KANK4: variants seen among roughly 807,000 people sequenced by gnomAD.
KANK4 encodes KN motif and ankyrin repeat domains 4, also known as KN motif and ankyrin repeat domain-containing protein 4.
In KANK4, 50 loss-of-function variants were observed where a neutral mutation model predicts 80.8. The ratio of observed to expected loss-of-function variants is 0.62; its 90% confidence interval spans 0.49 to 0.78. The LOEUF is 0.78. Ranked by LOEUF, KANK4 falls within the 30% of genes least tolerant of loss-of-function variation. The pLI is 0.00. For synonymous variants in KANK4, 465 were observed against 506.9 expected, an observed-to-expected ratio of 0.92 and a Z score of 1.11; for missense variants, 1,196 against 1,240.1, an observed-to-expected ratio of 0.96 and a Z score of 0.53.
intron 1 of KANK4, among the ~76,000 whole-genome samples, chr1:62,298,459 G>A (rs192788852): frequency 1.6e-4 from 25 of 152,280 alleles, no homozygotes; most frequent in African/African-American, 5.8e-4. Context: ...CCTCATAGTT[G>A]GCATTTCCAA....
chr1:62,298,003 G>A (rs989379146), intron 1 of KANK4: 3 of 152,170 alleles, frequency 2.0e-5, no homozygotes, highest in African/African-American at 7.2e-5. Context: ...CTCTAGGCAG[G>A]GCAGGAGGAG....
At chr1:62,319,046 G>A (rs979542732) in intron 1 of KANK4, 60 bp downstream of exon 1, 2 of 152,326 alleles carry the variant, frequency 1.3e-5, no homozygotes, top group Non-Finnish European at 2.9e-5. Context: ...GTCGCGCAGG[G>A]CGGGTGTTGA....
intron 1 of KANK4, among the ~76,000 whole-genome samples, chr1:62,286,870 G>A (rs3844054): frequency 0.36 from 54,648 of 151,990 alleles, 10,830 homozygotes; most frequent in East Asian, 0.64. Flanking sequence ...GGCTGGACTG[G>A]CAGCTCCTTA....
At chr1:62,309,815 A>G (rs983769219) in intron 1 of KANK4, among the ~76,000 whole-genome samples, 1 of 152,172 alleles carries the variant, frequency 6.6e-6, no homozygotes, top group South Asian at 2.1e-4. Context: ...ACATTTTAAC[A>G]AGAGCTGCCT....
chr1:62,258,576 G>C (rs1671803898), intron 7 of KANK4, among the ~76,000 whole-genome samples: 1 of 152,156 alleles, frequency 6.6e-6, no homozygotes, highest in African/African-American at 2.4e-5. Context: ...TTGAAGACTT[G>C]GAAGTTTACT....
rs190552058 is a variant in KANK4 at position 62,287,084 on chromosome 1, G to C, written c.-70-5450C>G. 1.9e-3 allele frequency among the ~76,000 whole-genome samples: 290 copies of C among 152,210 alleles called. 1 individual carries two copies. Among genetic ancestry groups the C allele is most frequent in the African/African-American group, 6.9e-3 (285 of 41,522 alleles). ...GCCAGGGAGCAGGCAGCTGCCAGAG[G>C]AGCAAGGTTTCAGAGTGTCCCGGGC... is the stretch of plus-strand genomic sequence containing the variant. On this transcript the variant is annotated intron_variant, in intron 1 of 9. Coordinates refer to ENST00000371153, the MANE Select transcript of KANK4 (RefSeq NM_181712.5).
At chr1:62,259,638 T>C (rs1018590532) in intron 7 of KANK4, among the ~76,000 whole-genome samples, 4 of 151,990 alleles carry the variant, frequency 2.6e-5, no homozygotes, top group African/African-American at 9.7e-5. Flanking sequence ...GCAAGTTTGC[T>C]GACTTTTCTG....
At position 62,274,669 on chromosome 1, in the gene KANK4, T is replaced by C; in HGVS notation, c.435A>G (p.Pro145=). 1 of 1,614,216 alleles carries C rather than the reference T, an allele frequency of 6.2e-7. No homozygotes were observed. Among genetic ancestry groups the C allele is most frequent in the Non-Finnish European group, 8.5e-7 (1 of 1,180,038 alleles). Reference sequence around the variant, plus strand: ...TCCCAAAAGTGAGCTCGGCATCCTCTGGCTCAGCAGCTTCCAACTGTCTGG... The same window carrying C: ...TCCCAAAAGTGAGCTCGGCATCCTCCGGCTCAGCAGCTTCCAACTGTCTGG... ...EATRQLEAAE[P]EDAELTFGSG... is the part of the protein sequence containing the mutation. Residue 145 remains proline, a synonymous_variant, in exon 3 of 10, where the codon CCA becomes CCG. Transcript: ENST00000371153.
intron 1 of KANK4, among the ~76,000 whole-genome samples, chr1:62,290,274 G>A (rs1204048508): frequency 2.6e-5 from 4 of 152,094 alleles, no homozygotes; most frequent in Admixed American, 2.6e-4. Context: ...CTCCCTAGAG[G>A]GGGTCATGCC....
intron 1 of KANK4, among the ~76,000 whole-genome samples, chr1:62,317,560 C>T (rs1644551974): frequency 1.3e-5 from 2 of 152,234 alleles, no homozygotes; most frequent in African/African-American, 2.4e-5. Context: ...ATTTGGGCCC[C>T]TGGTAGTAAC....
At chr1:62,266,341 TCACACCACTGCACA>T (rs994141622) in intron 6 of KANK4, among the ~76,000 whole-genome samples, 4 of 151,410 alleles carry the variant, frequency 2.6e-5, no homozygotes, top group Non-Finnish European at 5.9e-5. Flanking sequence ...CTCACGCCAC[TCACACCACTGCACA>T]CACACCACTG....
At chr1:62,244,795 A>G (rs1480032434) in intron 9 of KANK4, among the ~76,000 whole-genome samples, 1 of 152,166 alleles carries the variant, frequency 6.6e-6, no homozygotes, top group African/African-American at 2.4e-5. Context: ...GGCTCAAGCA[A>G]TCGTCCTGAC....
intron 8 of KANK4, among the ~76,000 whole-genome samples, chr1:62,251,761 AGGCGG>A (rs1430284712): frequency 0.025 from 3,846 of 152,300 alleles, 152 homozygotes; most frequent in African/African-American, 0.089. Context: ...TGAAAGCCCG[AGGCGG>A]GTGGATCACC....
At chr1:62,301,014 C>A (rs1284516043) in intron 1 of KANK4, among the ~76,000 whole-genome samples, 1 of 152,012 alleles carries the variant, frequency 6.6e-6, no homozygotes, top group African/African-American at 2.4e-5. Flanking sequence ...TACATAACGT[C>A]TTACATGGTT....
At chr1:62,275,371 T>G (rs780731252) in intron 2 of KANK4, among the ~76,000 whole-genome samples, 1 of 152,216 alleles carries the variant, frequency 6.6e-6, no homozygotes, top group African/African-American at 2.4e-5. Context: ...GGAATCTGCC[T>G]GCAGACTGGC....
chr1:62,273,039 C>A (rs1410731055), intron 3 of KANK4, among the ~76,000 whole-genome samples, 165 bp downstream of exon 3: 2 of 152,180 alleles, frequency 1.3e-5, no homozygotes, highest in East Asian at 3.9e-4. Flanking sequence ...GATCTTCCCA[C>A]CTCCGCCTCC....
intron 4 of KANK4, among the ~76,000 whole-genome samples, chr1:62,270,844 A>G (rs1672144528): frequency 6.6e-6 from 1 of 152,188 alleles, no homozygotes; most frequent in Non-Finnish European, 1.5e-5. Context: ...ATCTCAGCAC[A>G]TCAGCATTTC....
intron 9 of KANK4, among the ~76,000 whole-genome samples, chr1:62,242,007 T>G (rs1671352879): frequency 6.6e-6 from 1 of 152,102 alleles, no homozygotes; most frequent in Non-Finnish European, 1.5e-5. Flanking sequence ...AGAGACCACT[T>G]GGCGAGGGTT....
At position 62,314,666 on chromosome 1, in the gene KANK4, T is replaced by C. The variant is rs146365958; in HGVS notation, c.-71+4440A>G. ...GAAACTCTGCAGACACAAAGGATCC[T>C]TCCATGCAAAGGGGGAAAAGCCACA... On this transcript the variant is annotated intron_variant, in intron 1 of 9. Coordinates refer to ENST00000371153, the MANE Select transcript of KANK4 (RefSeq NM_181712.5). Among the ~76,000 whole-genome samples, 16 of 151,728 alleles carry C rather than the reference T, an allele frequency of 1.1e-4. 1 individual carries two copies. The East Asian group carries it at 2.9e-3, about 28-fold the overall frequency.
Sources: gnomAD v4.1 joint callset for allele counts (sites outside exome capture counted in the v4.1 genomes callset) on GRCh38, gnomAD v4.1.1 for gene constraint, MANE v1.5 for transcripts, NCBI Gene and HGNC (gene_info 2026-07-23, HGNC 2026-07-21) for gene names.